Variants in PCDHGB2 observed in about 807,000 individuals in gnomAD.
PCDHGB2 encodes protocadherin gamma-B2.
In PCDHGB2, 55 loss-of-function variants were observed where a neutral mutation model predicts 59.3. That is an observed-to-expected ratio of 0.93 (90% CI 0.75 to 1.16). PCDHGB2 has a LOEUF of 1.16. Ranked by LOEUF, PCDHGB2 falls within the 50% of genes most tolerant of loss-of-function variation. PCDHGB2 has a pLI of 0.00. For missense variants in PCDHGB2, 1,228 were observed against 1,198.5 expected (o/e 1.02, Z -0.36); for synonymous variants, 516 against 512.0 (o/e 1.01, Z -0.11).
At chr5:141,399,147 C>T (rs2093760764) in intron 1 of PCDHGB2, 1 of 1,613,664 alleles carries the variant, frequency 6.2e-7, no homozygotes. Flanking sequence ...ATGACAATAG[C>T]CCAGAAGTTA....
rs376415955 is a variant in PCDHGB2, at chr5:141,432,082, C to T, written c.2422-62725C>T. ...CCACGGAAACTCATATCTCGCTGAACGTGGCAGACACCAACGACAACCCGC... is the reference window on the plus strand; with the variant it reads ...CCACGGAAACTCATATCTCGCTGAATGTGGCAGACACCAACGACAACCCGC... On this transcript the variant is annotated intron_variant, in intron 1 of 3. Transcript: ENST00000522605. This position sits in a 1 kb window ranked among gnomAD's most constrained non-coding sequence, Gnocchi z 6.0. The T allele has an allele frequency of 3.1e-6, 5 of 1,614,184 alleles. No homozygotes were observed. Among genetic ancestry groups the T allele is most frequent in the Non-Finnish European group, 4.2e-6 (5 of 1,180,028 alleles).
rs767515334 is a variant in PCDHGB2, at chr5:141,403,753, C to A, written c.2421+41197C>A. ...CCTGGCTGCTTACTGCAACAGCCAG[C>A]GACCTGGATGAGGGAATCAACGGAA... is the stretch of plus-strand genomic sequence containing the variant. On this transcript the variant is annotated intron_variant, in intron 1 of 3. Transcript: ENST00000522605. The A allele has an allele frequency of 1.9e-6, 3 of 1,613,502 alleles. No individual in the cohort carries two copies. The Admixed American group carries it at 5.0e-5, about 27-fold the overall frequency.
At chr5:141,473,402 T>C (rs1019157713) in intron 1 of PCDHGB2, among the ~76,000 whole-genome samples, 7 of 152,224 alleles carry the variant, frequency 4.6e-5, no homozygotes, top group Non-Finnish European at 7.3e-5. Flanking sequence ...CTTCTTTTTT[T>C]CTTCTTCAGT....
At chr5:141,467,920 A>G (rs1244280087) in intron 1 of PCDHGB2, among the ~76,000 whole-genome samples, 1 of 152,124 alleles carries the variant, frequency 6.6e-6, no homozygotes, top group Non-Finnish European at 1.5e-5. Flanking sequence ...CAGCCTCCCA[A>G]AATGCTAGGA....
intron 1 of PCDHGB2, chr5:141,404,536 G>A: frequency 6.2e-7 from 1 of 1,613,922 alleles, no homozygotes; most frequent in Non-Finnish European, 8.5e-7. Flanking sequence ...TTAGAGATTT[G>A]CAAATGCAGG....
At position 141,360,666 on chromosome 5, in the gene PCDHGB2, C is replaced by T. The variant is rs79500662; in HGVS notation, c.531C>T (p.Tyr177=). The change falls in exon 1 of 4, where the codon TAC becomes TAT. Residue 177 remains tyrosine, a synonymous_variant. Transcript: ENST00000522605. ...GATACCACCTTAATGACAACGAGTA[C>T]TTTGATCTCGCTGAGAAACAGACTC... ...LQRYHLNDNE[Y]FDLAEKQTPD... 21,810 of 1,613,996 alleles carry T rather than the reference C, an allele frequency of 0.014. 195 individuals carry two copies. Among genetic ancestry groups the T allele is most frequent in the Non-Finnish European group, 0.016 (18,898 of 1,179,892 alleles).
chr5:141,472,060 T>C (rs185246000), intron 1 of PCDHGB2, among the ~76,000 whole-genome samples: 5 of 152,276 alleles, frequency 3.3e-5, no homozygotes, highest in Non-Finnish European at 1.5e-5. Context: ...ATGATTGACA[T>C]GTCTGTGGTT....
chr5:141,485,185 G>C lies in PCDHGB2; in HGVS notation c.2422-9622G>C. On this transcript the variant is annotated intron_variant, in intron 1 of 3. Transcript: ENST00000522605. This position sits in a 1 kb window ranked among gnomAD's most constrained non-coding sequence, Gnocchi z 5.7. ...AGCGGGCGGCAGCAATGCTCCGCAA[G>C]GTGAGAAGCTGGACAGAAATCTGGC... 6.2e-7 allele frequency: 1 copy of C among 1,613,528 alleles called. No homozygotes were observed. Among genetic ancestry groups the C allele is most frequent in the Non-Finnish European group, 8.5e-7 (1 of 1,179,492 alleles).
chr5:141,432,630 G>A lies in PCDHGB2; in HGVS notation c.2422-62177G>A, dbSNP rs1278355878. On this transcript the variant is annotated intron_variant, in intron 1 of 3. Coordinates refer to ENST00000522605, the MANE Select transcript of PCDHGB2 (RefSeq NM_018923.3). This position sits in a 1 kb window ranked among gnomAD's most constrained non-coding sequence, Gnocchi z 6.0. ...CTCTTCTCGGTGGGTCTGCACACGG[G>A]CGAGGTGCGCACGGCGCGAGCCCTG... 3.7e-6 allele frequency: 6 copies of A among 1,612,782 alleles called. No homozygotes were observed. Among genetic ancestry groups the A allele is most frequent in the Non-Finnish European group, 5.1e-6 (6 of 1,179,682 alleles).
At chr5:141,440,030 G>A (rs780807702) in intron 1 of PCDHGB2, 2 of 153,028 alleles carry the variant, frequency 1.3e-5, no homozygotes, top group African/African-American at 2.4e-5. Context: ...ACTCAGTGTC[G>A]AGGACATGCC....
At chr5:141,389,918 C>T (rs1341057088) in intron 1 of PCDHGB2, 1 of 1,614,086 alleles carries the variant, frequency 6.2e-7, no homozygotes, top group Non-Finnish European at 8.5e-7. Context: ...ACCGCCCCGA[C>T]CCCTCTGACC....
At chr5:141,423,773 T>A in intron 1 of PCDHGB2, 6 of 901,238 alleles carry the variant, frequency 6.7e-6, no homozygotes, top group Non-Finnish European at 7.3e-6. Flanking sequence ...GGGCGGCATA[T>A]ATTTAGTTCA....
intron 1 of PCDHGB2, chr5:141,398,025 A>T (rs1481347884): frequency 1.4e-6 from 2 of 1,445,136 alleles, no homozygotes; most frequent in Non-Finnish European, 1.8e-6. Flanking sequence ...CTAAACTGGA[A>T]CTGGAACTAA....
intron 2 of PCDHGB2, among the ~76,000 whole-genome samples, chr5:141,495,193 T>C (rs1471524188): frequency 6.6e-6 from 1 of 152,192 alleles, no homozygotes; most frequent in Admixed American, 6.5e-5. Context: ...TCTATGCCCA[T>C]GTACTGCCTA....
intron 1 of PCDHGB2, among the ~76,000 whole-genome samples, chr5:141,453,261 A>G (rs1387512741): frequency 6.6e-6 from 1 of 152,028 alleles, no homozygotes; most frequent in Non-Finnish European, 1.5e-5. Context: ...CTGCAAGTGC[A>G]CACCACCATG....
At position 141,494,820 on chromosome 5, in the gene PCDHGB2, A is replaced by G; in HGVS notation, c.2435A>G (p.Asn812Ser). ...TTTTCTCCACAGCAAGCCCCGCCCA[A>G]CACGGACTGGCGTTTCTCTCAGGCC... ...SDTILKQAPP[N>S]TDWRFSQAQR... Residue 812 changes from asparagine to serine, a missense_variant, in exon 2 of 4, where the codon AAC becomes AGC. By Grantham distance (46) the Asn-to-Ser change is conservative. Around this residue, in one of 3 missense-constraint regions of PCDHGB2, gnomAD observed 433 missense variants for 441.8 expected, o/e 0.98. Transcript: ENST00000522605. 1.2e-6 allele frequency: 2 copies of G among 1,613,988 alleles called. No individual in the cohort carries two copies. Among genetic ancestry groups the G allele is most frequent in the Middle Eastern group, 1.6e-4 (1 of 6,062 alleles).
At chr5:141,415,185 C>T (rs375113497) in intron 1 of PCDHGB2, 2 of 1,613,978 alleles carry the variant, frequency 1.2e-6, no homozygotes, top group Non-Finnish European at 8.5e-7. Flanking sequence ...CCGTGGCCGA[C>T]AGCATCCCCC....
chr5:141,418,246 C>T lies in PCDHGB2; in HGVS notation c.2421+55690C>T, dbSNP rs200526306. 4.5e-5 allele frequency: 72 copies of T among 1,614,020 alleles called. No individual in the cohort carries two copies. The African/African-American group carries it at 8.9e-4, about 20-fold the overall frequency. On this transcript the variant is annotated intron_variant, in intron 1 of 3. Coordinates refer to ENST00000522605, the MANE Select transcript of PCDHGB2 (RefSeq NM_018923.3). The stretch of plus-strand genomic sequence containing the variant: ...TGGTGATTGAGGATGTTAATGACCA[C>T]GCCCCTCAATTCCGGAAAGATGAAA...
rs754034325 is a variant in PCDHGB2 at position 141,413,380 on chromosome 5, C to T, written c.2421+50824C>T. On this transcript the variant is annotated intron_variant, in intron 1 of 3. Coordinates refer to ENST00000522605, the MANE Select transcript of PCDHGB2 (RefSeq NM_018923.3). ...CCGGGAGCTGGCGGAGCGCGGAGTC[C>T]GCATAGTCTCCAGAGGTAGGACGCA... is the stretch of plus-strand genomic sequence containing the variant. 4 of 1,613,962 alleles carry T rather than the reference C, an allele frequency of 2.5e-6. No individual in the cohort carries two copies. In the Middle Eastern group the frequency reaches 5.0e-4, roughly 200 times the overall value.
Sources: allele counts gnomAD v4.1 joint callset (sites outside exome capture counted in the v4.1 genomes callset), GRCh38; gene constraint gnomAD v4.1.1; regional missense constraint gnomAD v4.1.1; non-coding constraint Gnocchi (gnomAD v3.1); transcripts MANE v1.5; gene names NCBI Gene and HGNC (gene_info 2026-07-23, HGNC 2026-07-21).